Variants in JPH1 observed in about 807,000 individuals in gnomAD.
JPH1 encodes the protein junctophilin-1.
In JPH1, 12 loss-of-function variants were observed where a neutral mutation model predicts 53.6. The observed-to-expected ratio is 0.22, with a 90% confidence interval of 0.14 to 0.36. The LOEUF (loss-of-function observed/expected upper bound fraction) is 0.36. Among genes scored for constraint, JPH1 ranks in the 10% least tolerant of loss-of-function variants. JPH1 has a pLI of 1.00. For missense variants in JPH1, 808 were observed against 905.5 expected (o/e 0.89, Z 1.38); for synonymous variants, 375 against 363.8 (o/e 1.03, Z -0.35).
At chr8:74,259,525 G>T in intron 2 of JPH1, 22 bp from the exon 3 acceptor site, 1 of 1,510,194 alleles carries the variant, frequency 6.6e-7, no homozygotes, top group Non-Finnish European at 9.0e-7. Flanking sequence ...ACAAAAGGAC[G>T]AGTCAGCATA....
At chr8:74,318,152 C>T (rs1290266024) in intron 1 of JPH1, among the ~76,000 whole-genome samples, 1 of 152,214 alleles carries the variant, frequency 6.6e-6, no homozygotes, top group Admixed American at 6.5e-5. Context: ...TGGGTTCCAA[C>T]TTCTCCCTGC....
intron 2 of JPH1, among the ~76,000 whole-genome samples, chr8:74,263,213 G>C (rs538579632): frequency 3.9e-5 from 6 of 152,106 alleles, no homozygotes; most frequent in African/African-American, 1.4e-4. Flanking sequence ...ATCTAGAATG[G>C]AGAACAAGTC....
chr8:74,315,903 A>G lies in JPH1; in HGVS notation c.380-283T>C, dbSNP rs1808144586. ...AGGAAAACCACTACTTTCTAATACA[A>G]AAAGTGAACACTGGGAAACAACATT... is the stretch of plus-strand genomic sequence containing the variant. On this transcript the variant is annotated intron_variant, in intron 1 of 5. Coordinates refer to ENST00000342232, the MANE Select transcript of JPH1 (RefSeq NM_020647.4). This position sits in a 1 kb window ranked among gnomAD's most constrained non-coding sequence, Gnocchi z 6.3. Among the ~76,000 whole-genome samples, 1 of 152,226 alleles carries G rather than the reference A, an allele frequency of 6.6e-6. No homozygotes were observed. The highest frequency in any genetic ancestry group is 6.5e-5 in the Admixed American group (1 of 15,284).
chr8:74,247,032 G>T (rs551069954), intron 3 of JPH1, among the ~76,000 whole-genome samples: 21 of 152,244 alleles, frequency 1.4e-4, no homozygotes, highest in African/African-American at 4.8e-4. Flanking sequence ...AGCATTAAGG[G>T]GAAAAAGGGC....
intron 2 of JPH1, among the ~76,000 whole-genome samples, chr8:74,290,066 G>C (rs1179994643): frequency 6.6e-6 from 1 of 152,174 alleles, no homozygotes; most frequent in African/African-American, 2.4e-5. Flanking sequence ...AAAACTGGAA[G>C]CATTCCCTCT....
At chr8:74,309,880 T>C (rs10094571) in intron 2 of JPH1, among the ~76,000 whole-genome samples, 1,760 of 152,320 alleles carry the variant, frequency 0.012, 40 homozygotes, top group African/African-American at 0.04. Context: ...AGATCTGAAA[T>C]TGGGGACTTT....
chr8:74,271,842 T>C (rs546976295), intron 2 of JPH1, among the ~76,000 whole-genome samples: 17 of 152,074 alleles, frequency 1.1e-4, no homozygotes, highest in Non-Finnish European at 2.5e-4. Flanking sequence ...GTGGGGTCCA[T>C]CATGTTGTTT....
At chr8:74,312,771 TTAAG>T (rs1234963660) in intron 2 of JPH1, among the ~76,000 whole-genome samples, 1 of 152,180 alleles carries the variant, frequency 6.6e-6, no homozygotes, top group East Asian at 1.9e-4. Flanking sequence ...CAGTATTTGA[TTAAG>T]TGAGATCATG....
At chr8:74,262,620 A>C (rs1231327130) in intron 2 of JPH1, among the ~76,000 whole-genome samples, 1 of 152,244 alleles carries the variant, frequency 6.6e-6, no homozygotes, top group Non-Finnish European at 1.5e-5. Context: ...CTCCCATCAA[A>C]TGCAGTAAAA....
In JPH1 at chr8:74,320,230, C is replaced by A. The variant is rs1305585615; in HGVS notation, c.379+679G>T. 6.6e-6 allele frequency among the ~76,000 whole-genome samples: 1 copy of A among 152,190 alleles called. No homozygotes were observed. Among genetic ancestry groups the A allele is most frequent in the Non-Finnish European group, 1.5e-5 (1 of 68,036 alleles). On this transcript the variant is annotated intron_variant, in intron 1 of 5. Transcript: ENST00000342232. The surrounding 1 kb of genome is among the most constrained non-coding windows in gnomAD (Gnocchi z 4.4). ...AGCAAAGACTGCTACTCTTTTAAGA[C>A]CAATACTTTAAGAAACGGAATGAAA...
chr8:74,300,119 C>G (rs1807633853), intron 2 of JPH1, among the ~76,000 whole-genome samples: 2 of 152,184 alleles, frequency 1.3e-5, no homozygotes, highest in African/African-American at 4.8e-5. Context: ...AATGCTTTTA[C>G]TGTCAAATTC....
intron 3 of JPH1, among the ~76,000 whole-genome samples, chr8:74,250,854 A>G (rs1479687592): frequency 6.6e-6 from 1 of 152,200 alleles, no homozygotes; most frequent in African/African-American, 2.4e-5. Flanking sequence ...GTACAATCCT[A>G]GAAGGCCAAT....
At chr8:74,293,933 C>T (rs1242834788) in intron 2 of JPH1, among the ~76,000 whole-genome samples, 2 of 152,192 alleles carry the variant, frequency 1.3e-5, no homozygotes, top group African/African-American at 4.8e-5. Flanking sequence ...CAAGAGCCAG[C>T]AGCCCCTAGG....
chr8:74,268,830 A>G (rs4545088), intron 2 of JPH1, among the ~76,000 whole-genome samples: 10,591 of 152,236 alleles, frequency 0.07, 948 homozygotes, highest in African/African-American at 0.2. Flanking sequence ...ATACATGACG[A>G]GAGCTAGGGC....
At chr8:74,250,011 C>T (rs1805991613) in intron 3 of JPH1, among the ~76,000 whole-genome samples, 1 of 152,196 alleles carries the variant, frequency 6.6e-6, no homozygotes, top group Non-Finnish European at 1.5e-5. Context: ...TACCACATTC[C>T]AGGGCAGTGT....
At chr8:74,295,642 A>C (rs1480564318) in intron 2 of JPH1, among the ~76,000 whole-genome samples, 1 of 152,052 alleles carries the variant, frequency 6.6e-6, no homozygotes, top group Non-Finnish European at 1.5e-5. Flanking sequence ...CTTGAATAAA[A>C]TCTCCCCCCT....
Position 74,257,409 on chromosome 8 carries a change from A to T in JPH1, c.1258+1976T>A, listed in dbSNP as rs924677290. ...CATTTACCTCTTGTTAACACCTGAT[A>T]GAAATCTAAAGGGACCCCATTCCCC... On this transcript the variant is annotated intron_variant, in intron 3 of 5. Coordinates refer to ENST00000342232, the MANE Select transcript of JPH1 (RefSeq NM_020647.4). Among the ~76,000 whole-genome samples the T allele has an allele frequency of 2.0e-5, 3 of 152,222 alleles. No individual in the cohort carries two copies. The South Asian group carries it at 6.2e-4, about 32-fold the overall frequency.
chr8:74,315,662 G>C lies in JPH1; in HGVS notation c.380-42C>G. ...GAAAGCACCGTGAGTCGGGGGCAGA[G>C]CTGCACCGTCACCTGCACCATCCAG... On this transcript the variant is annotated intron_variant, in intron 1 of 5. Coordinates refer to ENST00000342232, the MANE Select transcript of JPH1 (RefSeq NM_020647.4). This position sits in a 1 kb window ranked among gnomAD's most constrained non-coding sequence, Gnocchi z 6.3. 6.5e-7 allele frequency: 1 copy of C among 1,542,322 alleles called. No homozygotes were observed. The highest frequency in any genetic ancestry group is 8.7e-7 in the Non-Finnish European group (1 of 1,148,752).
At chr8:74,302,426 A>C (rs1280042279) in intron 2 of JPH1, among the ~76,000 whole-genome samples, 1 of 152,224 alleles carries the variant, frequency 6.6e-6, no homozygotes, top group Non-Finnish European at 1.5e-5. Flanking sequence ...TAAACTTTTT[A>C]AAGAAACCAC....
Sources: gnomAD v4.1 joint callset for allele counts (sites outside exome capture counted in the v4.1 genomes callset) on GRCh38, gnomAD v4.1.1 for gene constraint, Gnocchi (gnomAD v3.1) non-coding constraint, MANE v1.5 for transcripts, NCBI Gene and HGNC (gene_info 2026-07-23, HGNC 2026-07-21) for gene names.